Variants in RUNX1T1 observed in about 807,000 individuals in gnomAD.
RUNX1T1 encodes RUNX1 partner transcriptional co-repressor 1.
Under a neutral mutation model 62.8 loss-of-function variants are expected in RUNX1T1, and 4 were observed. That is an observed-to-expected ratio of 0.06 (90% CI 0.03 to 0.15). The LOEUF (loss-of-function observed/expected upper bound fraction) is 0.15, where lower values mean the gene tolerates loss of function less well. RUNX1T1 is among the 10% of genes least tolerant of loss of function. The pLI is 1.00. For missense variants in RUNX1T1, 508 were observed against 754.3 expected (o/e 0.67, Z 3.82); for synonymous variants, 291 against 286.0 (o/e 1.02, Z -0.18).
chr8:92,083,415 C>T (rs79348410), intron 1 of RUNX1T1, among the ~76,000 whole-genome samples: 2 of 152,100 alleles, frequency 1.3e-5, no homozygotes, highest in African/African-American at 4.8e-5. Context: ...AAAAAAACAA[C>T]CCCATCAAAA....
chr8:92,050,757 C>G (rs1236423679), intron 1 of RUNX1T1, among the ~76,000 whole-genome samples: 1 of 152,140 alleles, frequency 6.6e-6, no homozygotes, highest in African/African-American at 2.4e-5. Flanking sequence ...CACAACAGCT[C>G]AAGTTATCCT....
intron 1 of RUNX1T1, among the ~76,000 whole-genome samples, chr8:92,056,400 G>C (rs1483333487): frequency 6.6e-6 from 1 of 152,148 alleles, no homozygotes; most frequent in Non-Finnish European, 1.5e-5. Context: ...ACTCTTCCCA[G>C]TATCATGTTC....
intron 1 of RUNX1T1, among the ~76,000 whole-genome samples, chr8:92,043,267 T>C (rs1828783391): frequency 6.6e-6 from 1 of 152,194 alleles, no homozygotes; most frequent in Admixed American, 6.5e-5. Flanking sequence ...AAAACTGACA[T>C]CCATTTTCCA....
chr8:92,097,937 T>C (rs924253731), intron 1 of RUNX1T1, among the ~76,000 whole-genome samples: 2 of 152,228 alleles, frequency 1.3e-5, no homozygotes, highest in African/African-American at 4.8e-5. Context: ...CACAGAAGTG[T>C]AAAACAGAAA....
At chr8:92,018,973 A>G (rs1823550135) in intron 1 of RUNX1T1, among the ~76,000 whole-genome samples, 1 of 152,214 alleles carries the variant, frequency 6.6e-6, no homozygotes, top group Admixed American at 6.5e-5. Context: ...GATGGTAGAG[A>G]CACACATGAA....
intron 1 of RUNX1T1, among the ~76,000 whole-genome samples, chr8:92,056,877 T>A (rs1831128882): frequency 1.3e-5 from 2 of 152,168 alleles, no homozygotes; most frequent in African/African-American, 4.8e-5. Flanking sequence ...CATCTGACCT[T>A]CCGATTAACA....
exon 3 of RUNX1T1, chr8:92,014,627 A>G: frequency 6.2e-7 from 1 of 1,613,248 alleles, no homozygotes; most frequent in South Asian, 1.1e-5. Context: ...TCTCGGGTGA[A>G]ATGTCATTGC....
chr8:92,092,158 T>G (rs981536485), intron 1 of RUNX1T1, among the ~76,000 whole-genome samples: 7 of 152,202 alleles, frequency 4.6e-5, no homozygotes, highest in Admixed American at 1.3e-4. Context: ...CTAGTTTAAT[T>G]CTCTCTGCCC....
chr8:92,097,288 A>G (rs895202772), intron 1 of RUNX1T1, among the ~76,000 whole-genome samples: 1 of 152,232 alleles, frequency 6.6e-6, no homozygotes, highest in Non-Finnish European at 1.5e-5. Flanking sequence ...TTGGCTGGCT[A>G]CATTACAAAA....
chr8:92,091,723 C>T (rs10108873), intron 1 of RUNX1T1, among the ~76,000 whole-genome samples: 2,961 of 152,246 alleles, frequency 0.019, 96 homozygotes, highest in African/African-American at 0.068. Flanking sequence ...TTAAGATATG[C>T]CAGCATGACA....
chr8:91,960,701 G>C (rs1408423303), intron 10 of RUNX1T1, among the ~76,000 whole-genome samples, 184 bp from the exon 12 acceptor site: 3 of 152,204 alleles, frequency 2.0e-5, no homozygotes, highest in Non-Finnish European at 4.4e-5. Context: ...TTGATGGGAT[G>C]GTTGTCCAAA....
At chr8:92,025,242 T>A (rs1385124449) in intron 1 of RUNX1T1, among the ~76,000 whole-genome samples, 2 of 152,210 alleles carry the variant, frequency 1.3e-5, no homozygotes, top group Non-Finnish European at 2.9e-5. Context: ...TGACCAGAGA[T>A]CCTGCCTCTC....
chr8:92,095,167 G>T (rs967653480), intron 1 of RUNX1T1: 6 of 1,535,058 alleles, frequency 3.9e-6, no homozygotes, highest in Middle Eastern at 3.5e-4. Context: ...AATTCTCTCC[G>T]CCAGCTAAGA....
chr8:92,040,719 T>A (rs1828282635), intron 1 of RUNX1T1, among the ~76,000 whole-genome samples: 1 of 152,148 alleles, frequency 6.6e-6, no homozygotes, highest in Non-Finnish European at 1.5e-5. Context: ...CAGGGTGAAA[T>A]ACAATTACTG....
At chr8:91,971,491 G>C (rs1192656453) in intron 9 of RUNX1T1, among the ~76,000 whole-genome samples, 1 of 152,040 alleles carries the variant, frequency 6.6e-6, no homozygotes, top group African/African-American at 2.4e-5. Flanking sequence ...ATAGTGAAAA[G>C]GTAACTCAGA....
At chr8:92,065,167 C>T (rs1051972767), upstream of RUNX1T1, among the ~76,000 whole-genome samples, 1 of 151,852 alleles carries the variant, frequency 6.6e-6, no homozygotes, top group Non-Finnish European at 1.5e-5. Context: ...AATAACTTTT[C>T]GTTCATAAAA....
In RUNX1T1 at chr8:92,059,552, A is replaced by G. The variant is rs974691288; in HGVS notation, c.7+2994T>C. Among the ~76,000 whole-genome samples the G allele has an allele frequency of 5.5e-4, 84 of 152,338 alleles. 1 individual carries two copies. The highest frequency in any genetic ancestry group is 1.9e-3 in the African/African-American group (81 of 41,584). On this transcript the variant is annotated intron_variant, in intron 1 of 10. Transcript: ENST00000396218. ...CAATGCACTGTTTTACTACCCAAAA[A>G]TGTAAGCTAATAATATATAGCTCTA...
At chr8:92,034,693 T>TAC (rs1413948252) in intron 1 of RUNX1T1, among the ~76,000 whole-genome samples, 2 of 100,282 alleles carry the variant, frequency 2.0e-5, no homozygotes, top group Non-Finnish European at 4.3e-5. Context: ...TGTGTGTGTA[T>TAC]ACATGTATAC....
intron 1 of RUNX1T1, among the ~76,000 whole-genome samples, chr8:92,019,380 G>T (rs904560364): frequency 6.6e-6 from 1 of 152,086 alleles, no homozygotes; most frequent in Non-Finnish European, 1.5e-5. Context: ...ACACAGATTT[G>T]AAGCACGTGG....
Sources: gnomAD v4.1 joint callset for allele counts (sites outside exome capture counted in the v4.1 genomes callset) on GRCh38, gnomAD v4.1.1 for gene constraint, MANE v1.5 for transcripts, NCBI Gene and HGNC (gene_info 2026-07-23, HGNC 2026-07-21) for gene names.